Variants in MAGEC3 observed in about 807,000 individuals in gnomAD.
MAGEC3 encodes the protein MAGE family member C3, also known as melanoma-associated antigen C3.
Under a neutral mutation model 35.3 loss-of-function variants are expected in MAGEC3, and 34 were observed. The ratio of observed to expected loss-of-function variants is 0.96; its 90% CI spans 0.73 to 1.28. MAGEC3 has a LOEUF of 1.28. MAGEC3 is among the 50% of genes most tolerant of loss of function. The probability of loss-of-function intolerance (pLI) is 0.00; values close to 1 mark genes in which losing one functional copy is unlikely to be tolerated. For missense variants in MAGEC3, 561 were observed against 483.6 expected (o/e 1.16, Z -1.50); for synonymous variants, 202 against 185.6 (o/e 1.09, Z -0.72).
Position 141,869,448 on chromosome X carries a change from A to G in MAGEC3, c.258+3843A>G, listed in dbSNP as rs1393706428. Among the ~76,000 whole-genome samples the G allele has an allele frequency of 3.6e-5, 4 of 112,519 alleles. No homozygotes were observed. In the East Asian group the frequency reaches 1.1e-3, roughly 31 times the overall value. The stretch of plus-strand genomic sequence containing the variant: ...TGTTAAAGGCTGTAGCTAGCTTAAG[A>G]CAAGTTTTCTTGACTTTGAAAAGTA... On this transcript the variant is annotated intron_variant, in intron 2 of 7. Transcript: ENST00000298296.
At chrX:141,895,913 C>CT (rs2018089457) in intron 6 of MAGEC3, among the ~76,000 whole-genome samples, 1 of 111,579 alleles carries the variant, frequency 9.0e-6, no homozygotes, top group African/African-American at 3.3e-5. Context: ...CCGACTGCCC[C>CT]CGTGGTAGAG....
rs1024288121 is a variant in MAGEC3, at chrX:141,880,933, A to C, written c.516-470A>C. ...TCAGGCCTGTTGGATGCCATCATCC[A>C]CATCCCTGCTCACACATTTACCTCC... On this transcript the variant is annotated intron_variant, in intron 3 of 7. Transcript: ENST00000298296. The C allele has an allele frequency of 1.1e-4, 76 of 690,682 alleles. No homozygotes were observed. In the African/African-American group the frequency reaches 1.2e-3, roughly 11 times the overall value. 56.9% of individuals were successfully genotyped at this position (690,682 alleles called of 1,213,427 possible). A position where few individuals can be genotyped will look rare whatever the true frequency, so the allele number is the denominator to read the frequency against.
At chrX:141,841,844 T>A (rs182687325) in intron 1 of MAGEC3, among the ~76,000 whole-genome samples, 260 of 112,018 alleles carry the variant, frequency 2.3e-3, no homozygotes, top group African/African-American at 7.9e-3. Context: ...GAAAAGGGAC[T>A]GCTATTAGCA....
At position 141,840,780 on chromosome X, in the gene MAGEC3, C is replaced by CAA. The variant is rs371807098; in HGVS notation, c.123+2352_123+2353dup. ...TTATGCTTTTGTGTGTTTTTCACATCAAAAAAAAAAACCCCACAAGAACAA... is the reference window on the plus strand; with the variant it reads ...TTATGCTTTTGTGTGTTTTTCACATCAAAAAAAAAAAAACCCCACAAGAACAA... On this transcript the variant is annotated intron_variant, in intron 1 of 7. Coordinates refer to ENST00000298296, the MANE Select transcript of MAGEC3 (RefSeq NM_138702.1). 4.4e-3 allele frequency among the ~76,000 whole-genome samples: 431 copies of CAA among 98,584 alleles called. 2 individuals carry two copies. Among genetic ancestry groups the CAA allele is most frequent in the African/African-American group, 0.015 (398 of 27,317 alleles). The allele number at this position is 98,584 out of a possible 115,157, so 85.6% of individuals were successfully genotyped here.
At chrX:141,861,424 G>GA (rs1203618361) in intron 1 of MAGEC3, among the ~76,000 whole-genome samples, 2 of 109,980 alleles carry the variant, frequency 1.8e-5, no homozygotes, top group African/African-American at 3.3e-5. Flanking sequence ...CACAGAATTA[G>GA]AAAAAAAATA....
rs1485379221 is a variant in MAGEC3 at position 141,897,292 on chromosome X, G to GC, written c.1537dup (p.Leu513ProfsTer3). The GC allele has an allele frequency of 8.3e-7, 1 of 1,210,052 alleles. No individual in the cohort carries two copies. Among genetic ancestry groups the GC allele is most frequent in the Non-Finnish European group, 1.1e-6 (1 of 895,204 alleles). ...GTTCATAGAGCTAATTTTTGGCATT[G>GC]CCCTGACTGATATGGACCCCGACAA... On this transcript the variant is annotated frameshift_variant, in exon 7 of 8. Transcript: ENST00000298296. LOFTEE classifies it high-confidence loss of function.
chrX:141,847,714 A>G (rs1220598976), intron 1 of MAGEC3, among the ~76,000 whole-genome samples: 1 of 111,320 alleles, frequency 9.0e-6, no homozygotes, highest in Admixed American at 9.6e-5. Context: ...TGGCTAAAGC[A>G]GTGTTTAGAG....
chrX:141,892,595 T>G (rs2124126697), intron 4 of MAGEC3, among the ~76,000 whole-genome samples: 1 of 111,488 alleles, frequency 9.0e-6, no homozygotes. Context: ...TGATTATTAT[T>G]ATTCCCCATA....
At chrX:141,859,528 C>G (rs2017802172) in intron 1 of MAGEC3, among the ~76,000 whole-genome samples, 1 of 111,575 alleles carries the variant, frequency 9.0e-6, no homozygotes, top group African/African-American at 3.3e-5. Flanking sequence ...TGTCCGTTAT[C>G]TGTATTTTAA....
At position 141,865,614 on chromosome X, in the gene MAGEC3, T is replaced by C. The variant is rs1451525701; in HGVS notation, c.258+9T>C. 3 of 1,197,788 alleles carry C rather than the reference T, an allele frequency of 2.5e-6. No individual in the cohort carries two copies. Among genetic ancestry groups the C allele is most frequent in the African/African-American group, 3.5e-5 (2 of 57,309 alleles). On this transcript the variant is annotated intron_variant, in intron 2 of 7. Transcript: ENST00000298296. ...GCCCCACATACTTCAAGGTAAGGAC[T>C]CTAAGGAAAGACTGAGGGGACCTCC...
intron 4 of MAGEC3, among the ~76,000 whole-genome samples, chrX:141,885,885 A>G (rs755171350): frequency 1.8e-5 from 2 of 110,355 alleles, no homozygotes; most frequent in East Asian, 5.8e-4. Context: ...CAGAAGATAC[A>G]CCCTTGACCA....
Position 141,886,975 on chromosome X carries a change from TG to T in MAGEC3, c.909+5181del, listed in dbSNP as rs756284420. On this transcript the variant is annotated intron_variant, in intron 4 of 7. Coordinates refer to ENST00000298296, the MANE Select transcript of MAGEC3 (RefSeq NM_138702.1). ...CACATCCCCCTTCAACTCTCCCATTTGGCCTGTGCAGAAGACAGTTGGATCT... is the reference window on the plus strand; with the variant it reads ...CACATCCCCCTTCAACTCTCCCATTTGCCTGTGCAGAAGACAGTTGGATCT... Among the ~76,000 whole-genome samples the T allele has an allele frequency of 3.4e-3, 381 of 112,111 alleles. 2 individuals are homozygous for T. The highest frequency in any genetic ancestry group is 0.011 in the African/African-American group (350 of 30,867).
chrX:141,846,372 C>T, intron 1 of MAGEC3, among the ~76,000 whole-genome samples: 1 of 110,068 alleles, frequency 9.1e-6, no homozygotes, highest in Non-Finnish European at 1.9e-5. Context: ...TGAGATTTAA[C>T]AACAGGCGAG....
chrX:141,856,424 C>T (rs937898482), intron 1 of MAGEC3, among the ~76,000 whole-genome samples: 3 of 111,587 alleles, frequency 2.7e-5, no homozygotes, highest in African/African-American at 6.5e-5. Context: ...TCTGGATCCA[C>T]TGAATGCTAC....
chrX:141,853,167 C>T (rs1014631765), intron 1 of MAGEC3, among the ~76,000 whole-genome samples: 9 of 111,102 alleles, frequency 8.1e-5, no homozygotes, highest in African/African-American at 2.3e-4. Flanking sequence ...TGACTACATC[C>T]GCCTTTTAAA....
intron 2 of MAGEC3, among the ~76,000 whole-genome samples, chrX:141,870,420 A>G (rs778036948): frequency 1.6e-4 from 18 of 109,292 alleles, no homozygotes; most frequent in Non-Finnish European, 3.2e-4. Flanking sequence ...GTGGTGCTTT[A>G]ATTTTAGTGT....
chrX:141,895,449 A>G, intron 5 of MAGEC3, 36 bp from the exon 6 acceptor site: 1 of 1,210,803 alleles, frequency 8.3e-7, no homozygotes, highest in Non-Finnish European at 1.1e-6. Flanking sequence ...CGCACCAAGG[A>G]CAGAAGAAGC....
At chrX:141,895,696 T>C (rs1360627597) in intron 6 of MAGEC3, 137 bp downstream of exon 6, 1 of 197,272 alleles carries the variant, frequency 5.1e-6, no homozygotes, top group Non-Finnish European at 7.5e-6. Flanking sequence ...CAGCTCAGGC[T>C]GAGCGGCAGT....
In MAGEC3 at chrX:141,838,458, C is replaced by A; in HGVS notation, c.123+20C>A. The A allele has an allele frequency of 8.3e-7, 1 of 1,200,052 alleles. No homozygotes were observed. On this transcript the variant is annotated intron_variant, in intron 1 of 7. Transcript: ENST00000298296. ...CCCCAGGTGTGGTAGCCCATGAATG[C>A]TCATGTCTAAGCCCCAGGTTAACAG...
Sources: gnomAD v4.1 joint callset for allele counts (sites outside exome capture counted in the v4.1 genomes callset) on GRCh38, gnomAD v4.1.1 for gene constraint, MANE v1.5 for transcripts, NCBI Gene and HGNC (gene_info 2026-07-23, HGNC 2026-07-21) for gene names.